Variants in FNIP1 observed in about 807,000 individuals in gnomAD.
FNIP1 encodes folliculin interacting protein 1, also known as folliculin-interacting protein 1.
Under a neutral mutation model 124.5 loss-of-function variants are expected in FNIP1, and 40 were observed. The ratio of observed to expected loss-of-function variants is 0.32; its 90% CI spans 0.25 to 0.42. The LOEUF is 0.42. Ranked by LOEUF, FNIP1 falls within the 10% of genes least tolerant of loss-of-function variation. The pLI is 1.00. For synonymous variants in FNIP1, 472 were observed against 470.6 expected, an observed-to-expected ratio of 1.00 and a Z score of -0.04; for missense variants, 1,176 against 1,403.7, an observed-to-expected ratio of 0.84 and a Z score of 2.59.
At chr5:131,696,084 C>T (rs778192520) in intron 11 of FNIP1, among the ~76,000 whole-genome samples, 2 of 152,204 alleles carry the variant, frequency 1.3e-5, no homozygotes, top group Non-Finnish European at 2.9e-5. Flanking sequence ...ATTGTCATCT[C>T]AAGCAAATAA....
Position 131,672,030 on chromosome 5 carries a change from G to C in FNIP1, c.2414C>G (p.Ser805Cys). 3.1e-6 allele frequency: 5 copies of C among 1,614,190 alleles called. No homozygotes were observed. The highest frequency in any genetic ancestry group is 4.2e-6 in the Non-Finnish European group (5 of 1,180,028). The stretch of plus-strand genomic sequence containing the variant: ...CATGTTCTGTGTATCAGACTCTCCA[G>C]ATTGGTCCTTGGTTGTTTGTTTAGT... ...QETKQTTKDQ[S>C]GESDTQNMVS... Residue 805 changes from serine to cysteine, a missense_variant, in exon 14 of 18, where the codon TCT becomes TGT. Ser to Cys is a moderately radical substitution (Grantham distance 112, BLOSUM62 -1). Around this residue, in one of 2 missense-constraint regions of FNIP1, gnomAD observed 1,109 missense variants for 1,288.5 expected, o/e 0.86. Coordinates refer to ENST00000510461, the MANE Select transcript of FNIP1 (RefSeq NM_133372.3).
chr5:131,673,401 G>GA (rs1219085012), intron 13 of FNIP1, among the ~76,000 whole-genome samples: 1 of 152,140 alleles, frequency 6.6e-6, no homozygotes, highest in Non-Finnish European at 1.5e-5. Context: ...AAGGGAGGAA[G>GA]ATGAGATGAA....
rs114726045 is a variant in FNIP1 at position 131,749,755 on chromosome 5, C to T, written c.93-5065G>A. The stretch of plus-strand genomic sequence containing the variant: ...TTCTATGTTTGGATATGTTTAGATA[C>T]ACAAATACTTACCATTGTGTTACAA... On this transcript the variant is annotated intron_variant, in intron 1 of 17. Coordinates refer to ENST00000510461, the MANE Select transcript of FNIP1 (RefSeq NM_133372.3). 3.2e-3 allele frequency among the ~76,000 whole-genome samples: 486 copies of T among 152,178 alleles called. 4 individuals carry two copies. Among genetic ancestry groups the T allele is most frequent in the Non-Finnish European group, 5.3e-3 (361 of 67,998 alleles).
chr5:131,645,777 A>G (rs943569304), intron 17 of FNIP1, among the ~76,000 whole-genome samples: 9 of 152,208 alleles, frequency 5.9e-5, no homozygotes, highest in African/African-American at 1.9e-4. Context: ...ATTCCAACAT[A>G]TAAGGGAATG....
At chr5:131,718,780 C>A (rs1177467187) in intron 5 of FNIP1, among the ~76,000 whole-genome samples, 18 of 152,176 alleles carry the variant, frequency 1.2e-4, no homozygotes. Context: ...CCAGATACTG[C>A]TTCTAGCAAT....
intron 15 of FNIP1, among the ~76,000 whole-genome samples, chr5:131,664,536 T>G (rs1767535005): frequency 6.8e-6 from 1 of 147,872 alleles, no homozygotes; most frequent in African/African-American, 2.5e-5. Context: ...CTGGGCAAGC[T>G]GAGATGGGAG....
intron 17 of FNIP1, 59 bp from the exon 18 acceptor site, chr5:131,644,822 T>G: frequency 2.6e-6 from 4 of 1,531,290 alleles, no homozygotes; most frequent in Non-Finnish European, 3.6e-6. Flanking sequence ...ACATGAACTC[T>G]ACAGGCAATG....
intron 11 of FNIP1, among the ~76,000 whole-genome samples, chr5:131,681,398 T>A (rs550494520): frequency 6.6e-6 from 1 of 152,268 alleles, no homozygotes; most frequent in South Asian, 2.1e-4. Flanking sequence ...TACAGTTTGT[T>A]ACCTCATTCT....
chr5:131,785,922 C>A (rs1772201617), intron 1 of FNIP1, among the ~76,000 whole-genome samples: 1 of 151,998 alleles, frequency 6.6e-6, no homozygotes, highest in Admixed American at 6.6e-5. Context: ...GTTTTATATT[C>A]TAAAGTAACT....
intron 15 of FNIP1, among the ~76,000 whole-genome samples, chr5:131,665,682 C>A (rs112228743): frequency 1.2e-3 from 182 of 150,822 alleles, no homozygotes; most frequent in African/African-American, 4.0e-3. Flanking sequence ...CTCTGCCTCC[C>A]AGGTTCAAGC....
chr5:131,713,620 C>T (rs1029059383), intron 6 of FNIP1, among the ~76,000 whole-genome samples: 1 of 152,296 alleles, frequency 6.6e-6, no homozygotes, highest in South Asian at 2.1e-4. Flanking sequence ...CTTGGATATT[C>T]CAGTACTTCC....
chr5:131,712,968 G>C (rs1769346048), intron 6 of FNIP1, among the ~76,000 whole-genome samples: 1 of 152,096 alleles, frequency 6.6e-6, no homozygotes, highest in Non-Finnish European at 1.5e-5. Context: ...AGTAATTGAT[G>C]CTGATTATAT....
intron 16 of FNIP1, among the ~76,000 whole-genome samples, chr5:131,651,184 G>A (rs1767028215): frequency 6.6e-6 from 1 of 151,878 alleles, no homozygotes; most frequent in African/African-American, 2.4e-5. Context: ...GAGCCCAGAA[G>A]TCTGAGACCA....
chr5:131,729,542 G>A (rs761596867), intron 3 of FNIP1, among the ~76,000 whole-genome samples: 20 of 152,192 alleles, frequency 1.3e-4, no homozygotes, highest in Non-Finnish European at 1.6e-4. Context: ...GCTACAGACC[G>A]AAGCTGTTCC....
chr5:131,688,194 T>A (rs946210617), intron 11 of FNIP1, among the ~76,000 whole-genome samples: 1 of 151,422 alleles, frequency 6.6e-6, no homozygotes, highest in East Asian at 1.9e-4. Context: ...AGCTCCAGTG[T>A]AACAAATGCA....
intron 6 of FNIP1, among the ~76,000 whole-genome samples, chr5:131,714,566 A>G (rs1364083948): frequency 6.6e-6 from 1 of 152,006 alleles, no homozygotes; most frequent in Non-Finnish European, 1.5e-5. Context: ...TTTTTCATTA[A>G]CTTTACCCCT....
At chr5:131,775,314 A>C (rs1488253339) in intron 1 of FNIP1, among the ~76,000 whole-genome samples, 1 of 152,148 alleles carries the variant, frequency 6.6e-6, no homozygotes, top group South Asian at 2.1e-4. Context: ...CAGAAAGTTG[A>C]ATAATCTTTC....
rs758938081 is a variant in FNIP1, at chr5:131,698,957, A to G, written c.1162T>C (p.Leu388=). ...GCATCAACTATTCGATTATATGCCA[A>G]ACTTCTCTGACTGGCATCAGCTGAT... The part of the protein sequence containing the change: ...RRSADASQRS[L]AYNRIVDALN... The change falls in exon 11 of 18, where the codon TTG becomes CTG. Residue 388 remains leucine (L), a synonymous_variant. Coordinates refer to ENST00000510461, the MANE Select transcript of FNIP1 (RefSeq NM_133372.3). The G allele has an allele frequency of 1.9e-6, 3 of 1,611,780 alleles. No individual in the cohort carries two copies. The highest frequency in any genetic ancestry group is 8.5e-7 in the Non-Finnish European group (1 of 1,179,256).
chr5:131,685,733 C>T (rs1055171469), intron 11 of FNIP1, among the ~76,000 whole-genome samples: 1 of 151,850 alleles, frequency 6.6e-6, no homozygotes, highest in South Asian at 2.1e-4. Context: ...GGATTACAGG[C>T]GTGAGCCACT....
Sources: allele counts gnomAD v4.1 joint callset (sites outside exome capture counted in the v4.1 genomes callset), GRCh38; gene constraint gnomAD v4.1.1; regional missense constraint gnomAD v4.1.1; transcripts MANE v1.5; gene names NCBI Gene and HGNC (gene_info 2026-07-23, HGNC 2026-07-21).